Variants in TULP4 observed in about 807,000 individuals in gnomAD.
TULP4 encodes TUB like protein 4.
TULP4 carries 16 observed loss-of-function variants against 129.0 expected under a neutral mutation model. That is an observed-to-expected ratio of 0.12 (90% CI 0.08 to 0.19). The LOEUF is 0.19. Ranked by LOEUF, TULP4 falls within the 10% of genes least tolerant of loss-of-function variation. TULP4 has a pLI of 1.00. For synonymous variants in TULP4, 998 were observed against 854.0 expected, an observed-to-expected ratio of 1.17 and a Z score of -2.94; for missense variants, 1,842 against 2,059.1, an observed-to-expected ratio of 0.89 and a Z score of 2.04.
At chr6:158,341,009 A>G (rs1780168418) in intron 1 of TULP4, among the ~76,000 whole-genome samples, 1 of 152,120 alleles carries the variant, frequency 6.6e-6, no homozygotes, top group African/African-American at 2.4e-5. Context: ...CTAGTATGCT[A>G]CTGAACACTA....
chr6:158,352,609 A>G (rs774975196), intron 1 of TULP4, among the ~76,000 whole-genome samples: 2 of 151,982 alleles, frequency 1.3e-5, no homozygotes, highest in Non-Finnish European at 2.9e-5. Flanking sequence ...GTTGGCCAGG[A>G]TGGTCTTGAT....
At position 158,241,210 on chromosome 6, in the gene TULP4, C is replaced by T. The variant is rs1273758714; in HGVS notation, n.68+8907C>T. Reference sequence around the variant, plus strand: ...TGATGGCGGCTGGGAAGAGGCGCTCCTCACTTCCTAGATGGGATGGCGGCC... The same window carrying T: ...TGATGGCGGCTGGGAAGAGGCGCTCTTCACTTCCTAGATGGGATGGCGGCC... On this transcript the variant is annotated intron_variant and non_coding_transcript_variant, in intron 1 of 1. Transcript: ENST00000620026. 3.9e-5 allele frequency among the ~76,000 whole-genome samples: 5 copies of T among 128,912 alleles called. 2 individuals carry two copies. The highest frequency in any genetic ancestry group is 7.0e-5 in the Non-Finnish European group (4 of 57,252). 84.6% of individuals were successfully genotyped at this position (128,912 alleles called of 152,430 possible). A position where few individuals can be genotyped will look rare whatever the true frequency, so the allele number is the denominator to read the frequency against.
intron 1 of TULP4, among the ~76,000 whole-genome samples, chr6:158,361,451 C>T (rs1193020776): frequency 6.6e-6 from 1 of 152,064 alleles, no homozygotes; most frequent in Non-Finnish European, 1.5e-5. Context: ...CTTTAGGGTC[C>T]CTGAAAGAGA....
chr6:158,311,364 C>A (rs553637939), upstream of TULP4, among the ~76,000 whole-genome samples: 1 of 151,038 alleles, frequency 6.6e-6, no homozygotes, highest in South Asian at 2.1e-4. Flanking sequence ...ACTGGCGGGG[C>A]GGGAGGGCAG....
chr6:158,417,105 A>C (rs1240560039), intron 2 of TULP4, among the ~76,000 whole-genome samples: 2 of 152,204 alleles, frequency 1.3e-5, no homozygotes, highest in Non-Finnish European at 2.9e-5. Flanking sequence ...GTTAATCGAC[A>C]TGACTGTATA....
rs561692497 is a variant in TULP4 at position 158,245,998 on chromosome 6, G to A, written n.68+13695G>A. ...TCCTGGACTGAGCATATGATTGACC[G>A]TGAGTAATTTGCCTACCCCTTAGGG... On this transcript the variant is annotated intron_variant and non_coding_transcript_variant, in intron 1 of 1. Transcript: ENST00000620026. Among the ~76,000 whole-genome samples the A allele has an allele frequency of 9.9e-5, 15 of 150,874 alleles. No homozygotes were observed. In the South Asian group the frequency reaches 2.1e-3, roughly 21 times the overall value.
intron 2 of TULP4, among the ~76,000 whole-genome samples, chr6:158,428,985 TAAA>T (rs1023779851): frequency 2.6e-5 from 4 of 152,182 alleles, no homozygotes. Context: ...TCATTTTTCT[TAAA>T]AAAATTTCTT....
At chr6:158,492,540 C>T (rs1404749745) in intron 9 of TULP4, among the ~76,000 whole-genome samples, 1 of 152,168 alleles carries the variant, frequency 6.6e-6, no homozygotes, top group African/African-American at 2.4e-5. Flanking sequence ...GCAGAGAGGA[C>T]ATCTAATGCA....
intron 6 of TULP4, among the ~76,000 whole-genome samples, chr6:158,466,015 G>C (rs1489479975): frequency 6.6e-6 from 1 of 152,222 alleles, no homozygotes; most frequent in African/African-American, 2.4e-5. Context: ...ATGGCCTGTA[G>C]GCATGGCTCA....
At chr6:158,447,572 G>C (rs1779079595) in intron 3 of TULP4, among the ~76,000 whole-genome samples, 1 of 152,164 alleles carries the variant, frequency 6.6e-6, no homozygotes, top group South Asian at 2.1e-4. Context: ...GCTTGTCACT[G>C]ACTTTAGTGC....
intron 1 of TULP4, among the ~76,000 whole-genome samples, chr6:158,408,186 G>A (rs1489669335): frequency 6.6e-6 from 1 of 152,182 alleles, no homozygotes; most frequent in Non-Finnish European, 1.5e-5. Context: ...TGTGCAGAAG[G>A]TGCTGCACGC....
intron 6 of TULP4, 122 bp downstream of exon 6, chr6:158,461,851 A>C: frequency 2.6e-6 from 3 of 1,164,074 alleles, no homozygotes; most frequent in Non-Finnish European, 3.5e-6. Context: ...TGGGTAAACC[A>C]GGAGAAATAA....
chr6:158,470,326 G>T (rs1231793514), intron 6 of TULP4, among the ~76,000 whole-genome samples: 1 of 152,234 alleles, frequency 6.6e-6, no homozygotes, highest in Non-Finnish European at 1.5e-5. Flanking sequence ...GCAGTTGCAA[G>T]ATTTAATAGA....
chr6:158,468,862 C>T (rs1033745329), intron 6 of TULP4, among the ~76,000 whole-genome samples: 14 of 152,160 alleles, frequency 9.2e-5, no homozygotes, highest in Non-Finnish European at 1.8e-4. Context: ...AGCAGGGAGG[C>T]GCCTCCCTTT....
At chr6:158,330,527 C>T (rs1361962144) in intron 1 of TULP4, among the ~76,000 whole-genome samples, 1 of 152,172 alleles carries the variant, frequency 6.6e-6, no homozygotes, top group African/African-American at 2.4e-5. Flanking sequence ...GGTGTTCTTC[C>T]CCCCTGGATC....
intron 3 of TULP4, among the ~76,000 whole-genome samples, chr6:158,432,404 G>A (rs755906160): frequency 8.5e-5 from 13 of 152,178 alleles, no homozygotes; most frequent in Non-Finnish European, 1.6e-4. Flanking sequence ...TGGACATGAA[G>A]GTAGAGCTGC....
chr6:158,342,903 A>G (rs1780213399), intron 1 of TULP4, among the ~76,000 whole-genome samples: 1 of 151,892 alleles, frequency 6.6e-6, no homozygotes, highest in Non-Finnish European at 1.5e-5. Context: ...TCAATAAATG[A>G]TCACTGCTAG....
intron 11 of TULP4, among the ~76,000 whole-genome samples, chr6:158,496,169 C>T (rs1780333884): frequency 2.6e-5 from 4 of 152,200 alleles, no homozygotes; most frequent in Admixed American, 2.6e-4. Context: ...GCATCTTTCC[C>T]AGTTGCAGAA....
At position 158,380,910 on chromosome 6, in the gene TULP4, A is replaced by AAAG. The variant is rs1554285870; in HGVS notation, c.253-32140_253-32138dup. ...CTCTGTCTCCAAAAAAAAAAAAAAA[A>AAAG]AAGAAGAAGAAGAAGAAAGAGGTTT... On this transcript the variant is annotated intron_variant, in intron 1 of 13. Coordinates refer to ENST00000367097, the MANE Select transcript of TULP4 (RefSeq NM_020245.5). 4.0e-3 allele frequency among the ~76,000 whole-genome samples: 539 copies of AAAG among 134,976 alleles called. 33 individuals are homozygous for AAAG. The highest frequency in any genetic ancestry group is 5.6e-3 in the Non-Finnish European group (343 of 61,410). 88.5% of individuals were successfully genotyped at this position (134,976 alleles called of 152,430 possible).
Sources: allele counts gnomAD v4.1 joint callset (sites outside exome capture counted in the v4.1 genomes callset), GRCh38; gene constraint gnomAD v4.1.1; transcripts MANE v1.5; gene names NCBI Gene and HGNC (gene_info 2026-07-23, HGNC 2026-07-21).